PXDNL: variants seen among roughly 807,000 people sequenced by gnomAD.
PXDNL encodes the protein peroxidasin like, also known as probable oxidoreductase PXDNL.
In PXDNL, 145 loss-of-function variants were observed where a neutral mutation model predicts 150.8. The observed-to-expected ratio is 0.96, with a 90% CI of 0.84 to 1.10. The LOEUF (loss-of-function observed/expected upper bound fraction) is 1.10, where lower values mean the gene tolerates loss of function less well. PXDNL is among the 50% of genes least tolerant of loss of function. PXDNL has a pLI of 0.00. For missense variants in PXDNL, 2,087 were observed against 1,873.9 expected, an observed-to-expected ratio of 1.11 and a Z score of -2.10; for synonymous variants, 757 against 725.7, an observed-to-expected ratio of 1.04 and a Z score of -0.69.
intron 3 of PXDNL, among the ~76,000 whole-genome samples, chr8:51,589,147 C>A (rs1420358198): frequency 6.6e-6 from 1 of 152,166 alleles, no homozygotes; most frequent in African/African-American, 2.4e-5. Flanking sequence ...AGGCCCTCTC[C>A]AGATGCAGCC....
In PXDNL at chr8:51,533,186, T is replaced by C. The variant is rs182864813; in HGVS notation, c.380+23654A>G. Among the ~76,000 whole-genome samples the C allele has an allele frequency of 4.5e-3, 687 of 152,302 alleles. 5 individuals are homozygous for C. Among genetic ancestry groups the C allele is most frequent in the Non-Finnish European group, 6.3e-3 (426 of 68,024 alleles). On this transcript the variant is annotated intron_variant, in intron 4 of 22. Transcript: ENST00000356297. ...TATTTTTTGAGGCAGAGTCTTGCCC[T>C]GTCACCCAGGCTGGAGCACAGTGGC...
Position 51,759,413 on chromosome 8 carries a change from C to T in PXDNL, c.164+49768G>A, listed in dbSNP as rs75635592. On this transcript the variant is annotated intron_variant, in intron 1 of 22. Transcript: ENST00000356297. ...ACTGCACTCCGCTTCCTGCATAGGA[C>T]GTCTCAGAATTTGCACTCTGTATTT... Among the ~76,000 whole-genome samples, 260 of 152,274 alleles carry T rather than the reference C, an allele frequency of 1.7e-3. 6 individuals are homozygous for T. In the East Asian group the frequency reaches 0.047, roughly 28 times the overall value.
At chr8:51,467,492 G>T (rs539896169) in intron 8 of PXDNL, among the ~76,000 whole-genome samples, 1 of 152,134 alleles carries the variant, frequency 6.6e-6, no homozygotes, top group African/African-American at 2.4e-5. Flanking sequence ...AGGGACATAA[G>T]TGTTGAAAAA....
chr8:51,623,131 C>T (rs147557076), intron 2 of PXDNL, among the ~76,000 whole-genome samples: 1 of 152,270 alleles, frequency 6.6e-6, no homozygotes, highest in Non-Finnish European at 1.5e-5. Context: ...CCGCACTACC[C>T]AAAGGGCCTC....
At chr8:51,486,789 TATATA>T (rs1330298565) in intron 5 of PXDNL, among the ~76,000 whole-genome samples, 38 of 23,708 alleles carry the variant, frequency 1.6e-3, no homozygotes, top group East Asian at 3.6e-3. Context: ...TATATATATA[TATATA>T]TTTTTTTTTT....
At chr8:51,633,738 G>A (rs938430842) in intron 2 of PXDNL, among the ~76,000 whole-genome samples, 3 of 152,132 alleles carry the variant, frequency 2.0e-5, no homozygotes, top group Non-Finnish European at 4.4e-5. Flanking sequence ...GATTAGTGAC[G>A]TGGAGCATTT....
rs397730480 is a variant in PXDNL, at chr8:51,444,913, AT to A, written c.1525+2090del. ...TTAGGTTAACAAATATTATTTTTCT[AT>A]TTTTTTTTTCAACATGGAGTCTTGC... is the stretch of plus-strand genomic sequence containing the variant. On this transcript the variant is annotated intron_variant, in intron 12 of 22. Coordinates refer to ENST00000356297, the MANE Select transcript of PXDNL (RefSeq NM_144651.5). Among the ~76,000 whole-genome samples, 276 of 148,532 alleles carry A rather than the reference AT, an allele frequency of 1.9e-3. 1 individual carries two copies. Among genetic ancestry groups the A allele is most frequent in the African/African-American group, 6.3e-3 (256 of 40,548 alleles).
At chr8:51,594,294 C>T (rs1813516143) in intron 2 of PXDNL, among the ~76,000 whole-genome samples, 1 of 151,640 alleles carries the variant, frequency 6.6e-6, no homozygotes, top group South Asian at 2.1e-4. Flanking sequence ...AATCACAGAT[C>T]ACAAAAAACA....
At chr8:51,419,993 T>C (rs914690434) in intron 14 of PXDNL, among the ~76,000 whole-genome samples, 1 of 152,186 alleles carries the variant, frequency 6.6e-6, no homozygotes, top group Non-Finnish European at 1.5e-5. Context: ...AAATTACAAC[T>C]GTGGAAATCT....
chr8:51,683,259 C>T (rs907674263), intron 1 of PXDNL, among the ~76,000 whole-genome samples: 1 of 140,320 alleles, frequency 7.1e-6, no homozygotes, highest in Non-Finnish European at 1.5e-5. Flanking sequence ...CAACTGATAC[C>T]TCATTTGGTA....
At chr8:51,724,334 T>C (rs1255970334) in intron 1 of PXDNL, among the ~76,000 whole-genome samples, 1 of 152,032 alleles carries the variant, frequency 6.6e-6, no homozygotes. Context: ...GTAAGAGATG[T>C]CATCAGAGGA....
intron 4 of PXDNL, among the ~76,000 whole-genome samples, chr8:51,542,025 A>G (rs1812227699): frequency 6.6e-6 from 1 of 152,224 alleles, no homozygotes; most frequent in African/African-American, 2.4e-5. Flanking sequence ...TTTTTGTACT[A>G]ATAAGTTGCT....
chr8:51,664,050 CAAAAA>C (rs59020717), intron 1 of PXDNL, among the ~76,000 whole-genome samples: 1 of 79,100 alleles, frequency 1.3e-5, no homozygotes, highest in Non-Finnish European at 3.1e-5. Context: ...GACTCTGTCT[CAAAAA>C]AAAAAAAAAA....
At chr8:51,793,525 G>T (rs1278909002) in intron 1 of PXDNL, among the ~76,000 whole-genome samples, 1 of 152,132 alleles carries the variant, frequency 6.6e-6, no homozygotes. Context: ...CAGAAGGTGG[G>T]TAATAATGAA....
At chr8:51,383,147 T>C (rs1275849147) in intron 17 of PXDNL, among the ~76,000 whole-genome samples, 1 of 152,164 alleles carries the variant, frequency 6.6e-6, no homozygotes, top group East Asian at 1.9e-4. Flanking sequence ...CTCAAAACAT[T>C]TCTTATTAAT....
chr8:51,405,398 G>A (rs1039901596), intron 17 of PXDNL, among the ~76,000 whole-genome samples: 1 of 152,280 alleles, frequency 6.6e-6, no homozygotes, highest in South Asian at 2.1e-4. Context: ...GGCTTCACAC[G>A]ACATTTGCTC....
intron 19 of PXDNL, among the ~76,000 whole-genome samples, chr8:51,365,428 A>G (rs772914733): frequency 2.6e-5 from 4 of 152,222 alleles, no homozygotes; most frequent in Non-Finnish European, 5.9e-5. Context: ...CTGCTTGGTT[A>G]AAGTGAGTAG....
At chr8:51,466,231 C>T (rs1810202628) in intron 8 of PXDNL, among the ~76,000 whole-genome samples, 1 of 151,984 alleles carries the variant, frequency 6.6e-6, no homozygotes, top group Admixed American at 6.6e-5. Flanking sequence ...ATAGAGAACC[C>T]AGAAATAAAA....
intron 4 of PXDNL, among the ~76,000 whole-genome samples, chr8:51,536,902 G>A (rs1812089853): frequency 6.6e-6 from 1 of 152,116 alleles, no homozygotes; most frequent in Admixed American, 6.5e-5. Context: ...CTATTTCTTA[G>A]GTACCTGAAC....
Sources: allele counts gnomAD v4.1 joint callset (sites outside exome capture counted in the v4.1 genomes callset), GRCh38; gene constraint gnomAD v4.1.1; transcripts MANE v1.5; gene names NCBI Gene and HGNC (gene_info 2026-07-23, HGNC 2026-07-21).